Variants in C9 observed in about 807,000 individuals in gnomAD.
C9 encodes complement C9.
Under a neutral mutation model 65.4 loss-of-function variants are expected in C9, and 63 were observed. That is an observed-to-expected ratio of 0.96 (90% CI 0.79 to 1.19). The LOEUF (loss-of-function observed/expected upper bound fraction) is 1.19. C9 is among the 50% of genes most tolerant of loss of function. The pLI is 0.00. For synonymous variants in C9, 229 were observed against 227.9 expected, an observed-to-expected ratio of 1.00 and a Z score of -0.04; for missense variants, 744 against 670.1, an observed-to-expected ratio of 1.11 and a Z score of -1.22.
intron 4 of C9, among the ~76,000 whole-genome samples, chr5:39,339,513 C>T (rs957100663): frequency 2.0e-5 from 3 of 152,128 alleles, no homozygotes; most frequent in Admixed American, 6.5e-5. Flanking sequence ...TCAACCTCGG[C>T]ACTGACGCTT....
intron 6 of C9, among the ~76,000 whole-genome samples, chr5:39,311,768 A>T (rs556680410): frequency 6.6e-6 from 1 of 152,322 alleles, no homozygotes; most frequent in African/African-American, 2.4e-5. Context: ...CTTAAAATTG[A>T]AAACATCTCA....
In C9 at chr5:39,306,646, TTA is replaced by T; in HGVS notation, c.1385_1386del (p.Ile462LysfsTer2). ...TGACTAATGAGAACAGGAGCATCATTTATGGAAGAGGCCCAGTTGACAAAGTC... is the reference window on the plus strand; with the variant it reads ...TGACTAATGAGAACAGGAGCATCATTTGGAAGAGGCCCAGTTGACAAAGTC... ...VTDFVNWASSINDAPVLISQK... is the reference protein window; with the variant it reads ...VTDFVNWASSXNDAPVLISQK... On this transcript the variant is annotated frameshift_variant, in exon 9 of 11. Transcript: ENST00000263408. LOFTEE classifies it high-confidence loss of function. The T allele has an allele frequency of 6.2e-7, 1 of 1,613,696 alleles. No homozygotes were observed. Among genetic ancestry groups the T allele is most frequent in the Non-Finnish European group, 8.5e-7 (1 of 1,179,684 alleles).
In C9 at chr5:39,364,288, A is replaced by C. The variant is rs868490315; in HGVS notation, c.77+100T>G. On this transcript the variant is annotated intron_variant, in intron 1 of 10. Transcript: ENST00000263408. ...AGATTCTAGGGCTCTGTATATTGCCATGTGGATTAACATTGTCATGTACTT... is the reference window on the plus strand; with the variant it reads ...AGATTCTAGGGCTCTGTATATTGCCCTGTGGATTAACATTGTCATGTACTT... 44 of 744,594 alleles carry C rather than the reference A, an allele frequency of 5.9e-5. No individual in the cohort carries two copies. In the African/African-American group the frequency reaches 6.5e-4, roughly 11 times the overall value. 46.1% of individuals were successfully genotyped at this position (744,594 alleles called of 1,614,324 possible). A position where few individuals can be genotyped will look rare whatever the true frequency, so the allele number is the denominator to read the frequency against.
At chr5:39,326,303 T>C (rs16868612) in intron 5 of C9, among the ~76,000 whole-genome samples, 4,522 of 152,308 alleles carry the variant, frequency 0.03, 211 homozygotes, top group African/African-American at 0.1. Flanking sequence ...AACCTTGTGA[T>C]TGATCATATG....
chr5:39,295,960 T>C (rs1579840474), intron 9 of C9, among the ~76,000 whole-genome samples: 1 of 151,758 alleles, frequency 6.6e-6, no homozygotes, highest in Admixed American at 6.6e-5. Flanking sequence ...TAAATTGTGC[T>C]AGGAAAAACT....
intron 5 of C9, among the ~76,000 whole-genome samples, chr5:39,329,029 A>T (rs16868639): frequency 0.03 from 4,561 of 152,266 alleles, 210 homozygotes; most frequent in African/African-American, 0.1. Context: ...ATTTTCATGG[A>T]GACTCAGATT....
At chr5:39,316,368 C>G (rs907905398) in intron 5 of C9, among the ~76,000 whole-genome samples, 3 of 152,078 alleles carry the variant, frequency 2.0e-5, no homozygotes, top group African/African-American at 7.2e-5. Flanking sequence ...ACTTTAAGTT[C>G]TGGGGTACAT....
intron 6 of C9, among the ~76,000 whole-genome samples, chr5:39,314,426 G>A (rs964088646): frequency 5.9e-5 from 9 of 151,788 alleles, no homozygotes; most frequent in African/African-American, 1.7e-4. Context: ...TGCAGCCTGG[G>A]CAACAAGAGC....
At chr5:39,329,668 TA>T (rs771850672) in intron 5 of C9, among the ~76,000 whole-genome samples, 1 of 152,164 alleles carries the variant, frequency 6.6e-6, no homozygotes, top group Non-Finnish European at 1.5e-5. Context: ...TTATTGCCAA[TA>T]AGTAACTAAG....
rs189628426 is a variant in C9, at chr5:39,298,306, A to G, written c.1416+8311T>C. Among the ~76,000 whole-genome samples the G allele has an allele frequency of 5.4e-3, 825 of 151,770 alleles. 7 individuals carry two copies. The highest frequency in any genetic ancestry group is 0.018 in the African/African-American group (749 of 41,548). ...AGTACAAAGCATAAGGAAGGAAATAATGAGAATTGAAATAGAAATTGAAAT... is the reference window on the plus strand; with the variant it reads ...AGTACAAAGCATAAGGAAGGAAATAGTGAGAATTGAAATAGAAATTGAAAT... On this transcript the variant is annotated intron_variant, in intron 9 of 10. Coordinates refer to ENST00000263408, the MANE Select transcript of C9 (RefSeq NM_001737.5).
chr5:39,344,632 G>T (rs932490791), intron 1 of C9, among the ~76,000 whole-genome samples: 1 of 152,158 alleles, frequency 6.6e-6, no homozygotes, highest in Non-Finnish European at 1.5e-5. Context: ...CCCCAACCTA[G>T]CACAGCAGGC....
chr5:39,364,447 G>T lies in C9; in HGVS notation c.18C>A (p.Ser6Arg). Residue 6 changes from serine to arginine, a missense_variant, in exon 1 of 11, where the codon AGC becomes AGA. By Grantham distance (110) the Ser-to-Arg change is moderately radical (BLOSUM62 -1). Coordinates refer to ENST00000263408, the MANE Select transcript of C9 (RefSeq NM_001737.5). The part of the protein sequence containing the change: MSACR[S>R]FAVAICILEI... ...CTAAAATGCAGATTGCAACTGCAAAGCTCCGGCAGGCTGACATGCTGCTCT... is the reference window on the plus strand; with the variant it reads ...CTAAAATGCAGATTGCAACTGCAAATCTCCGGCAGGCTGACATGCTGCTCT... The T allele has an allele frequency of 1.9e-6, 3 of 1,607,636 alleles. No homozygotes were observed. Among genetic ancestry groups the T allele is most frequent in the African/African-American group, 1.3e-5 (1 of 74,944 alleles).
At chr5:39,346,607 T>C (rs1322936424) in intron 1 of C9, among the ~76,000 whole-genome samples, 1 of 152,226 alleles carries the variant, frequency 6.6e-6, no homozygotes, top group African/African-American at 2.4e-5. Context: ...GAGGAGCTGC[T>C]ACCACTCTTT....
intron 4 of C9, among the ~76,000 whole-genome samples, chr5:39,340,872 C>CAA (rs1754063717): frequency 6.6e-6 from 1 of 152,316 alleles, no homozygotes; most frequent in East Asian, 1.9e-4. Context: ...TGAGAGATTT[C>CAA]ATCTCTTGCT....
intron 1 of C9, among the ~76,000 whole-genome samples, chr5:39,359,017 AAT>A (rs58599841): frequency 0.041 from 5,369 of 130,472 alleles, 132 homozygotes; most frequent in Middle Eastern, 0.047. Flanking sequence ...ATAAATAAAA[AAT>A]ATATATATAT....
At chr5:39,328,962 A>T (rs901672144) in intron 5 of C9, among the ~76,000 whole-genome samples, 48 of 152,278 alleles carry the variant, frequency 3.2e-4, no homozygotes, top group Non-Finnish European at 6.5e-4. Context: ...TGGGGCGAAA[A>T]CTATGCTTAT....
At chr5:39,328,254 T>C (rs1753785415) in intron 5 of C9, among the ~76,000 whole-genome samples, 1 of 152,204 alleles carries the variant, frequency 6.6e-6, no homozygotes, top group African/African-American at 2.4e-5. Context: ...TGCCTATGAC[T>C]TGGGTATTCT....
chr5:39,340,007 T>G (rs906701661), intron 4 of C9, among the ~76,000 whole-genome samples: 2 of 152,130 alleles, frequency 1.3e-5, no homozygotes, highest in African/African-American at 4.8e-5. Flanking sequence ...AACCACTGCC[T>G]TACCCTTCTA....
chr5:39,345,920 A>G (rs1007983520), intron 1 of C9, among the ~76,000 whole-genome samples: 13 of 152,222 alleles, frequency 8.5e-5, no homozygotes, highest in African/African-American at 2.4e-4. Flanking sequence ...CTGAATGACT[A>G]CTGGGTACAT....
Sources: allele counts gnomAD v4.1 joint callset (sites outside exome capture counted in the v4.1 genomes callset), GRCh38; gene constraint gnomAD v4.1.1; transcripts MANE v1.5; gene names NCBI Gene and HGNC (gene_info 2026-07-23, HGNC 2026-07-21).